Variants in DOCK2 observed in about 807,000 individuals in gnomAD.
DOCK2 encodes the protein dedicator of cytokinesis protein 2.
A neutral mutation model predicts 248.9 loss-of-function variants in DOCK2; 87 were observed. The observed-to-expected ratio is 0.35, with a 90% CI of 0.29 to 0.42. DOCK2 has a LOEUF of 0.42. DOCK2 is among the 10% of genes least tolerant of loss of function. DOCK2 has a pLI of 1.00. For missense variants in DOCK2, 1,747 were observed against 2,300.2 expected (o/e 0.76, Z 4.92); for synonymous variants, 805 against 821.6 (o/e 0.98, Z 0.35).
Position 170,079,160 on chromosome 5 carries a change from G to C in DOCK2, c.5166+14G>C. The stretch of plus-strand genomic sequence containing the variant: ...GACCTGAAGCGGGTGAGTGGCTGAG[G>C]CAGATTGCCTCTCCAGCGCTGTTAG... On this transcript the variant is annotated intron_variant, in intron 49 of 51. Transcript: ENST00000520908. The C allele has an allele frequency of 6.2e-7, 1 of 1,611,808 alleles. No individual in the cohort carries two copies. The highest frequency in any genetic ancestry group is 1.3e-5 in the African/African-American group (1 of 75,010).
At chr5:169,832,797 A>G (rs1769312729) in intron 26 of DOCK2, among the ~76,000 whole-genome samples, 1 of 152,234 alleles carries the variant, frequency 6.6e-6, no homozygotes, top group Non-Finnish European at 1.5e-5. Flanking sequence ...ACAAAACAGT[A>G]GCAGCCATAG....
intron 27 of DOCK2, among the ~76,000 whole-genome samples, chr5:169,982,756 T>G (rs1441230754): frequency 6.6e-6 from 1 of 152,240 alleles, no homozygotes; most frequent in African/African-American, 2.4e-5. Flanking sequence ...ATTGTCCCAT[T>G]TGACAGATGA....
intron 26 of DOCK2, among the ~76,000 whole-genome samples, chr5:169,833,741 T>G (rs1769381784): frequency 6.6e-6 from 1 of 152,220 alleles, no homozygotes; most frequent in South Asian, 2.1e-4. Context: ...TCCTGGAGGC[T>G]AAAACCTCCA....
intron 13 of DOCK2, 185 bp from the exon 14 acceptor site, chr5:169,702,118 C>G: frequency 1.9e-6 from 1 of 521,766 alleles, no homozygotes; most frequent in South Asian, 3.4e-5. Context: ...ATCCCTTCAT[C>G]CCCGTGTTAC....
chr5:169,974,818 A>G (rs1330560790), intron 27 of DOCK2, among the ~76,000 whole-genome samples: 1 of 151,876 alleles, frequency 6.6e-6, no homozygotes, highest in Non-Finnish European at 1.5e-5. Context: ...TCTTTTTGCA[A>G]TCATATTTGT....
At chr5:169,903,311 T>TAAAAAA (rs142632030) in intron 27 of DOCK2, among the ~76,000 whole-genome samples, 1 of 111,084 alleles carries the variant, frequency 9.0e-6, no homozygotes, top group Non-Finnish European at 1.8e-5. Context: ...ACAACAACAA[T>TAAAAAA]AAAAAAAAAA....
chr5:170,038,887 A>G (rs1296374658), intron 36 of DOCK2, among the ~76,000 whole-genome samples: 1 of 152,182 alleles, frequency 6.6e-6, no homozygotes, highest in African/African-American at 2.4e-5. Context: ...CTAGGGGTCT[A>G]AGGCATCGAG....
chr5:169,828,778 C>T (rs898637442), intron 26 of DOCK2, among the ~76,000 whole-genome samples: 1 of 152,212 alleles, frequency 6.6e-6, no homozygotes, highest in African/African-American at 2.4e-5. Flanking sequence ...TCTCTCCTTT[C>T]TCTCTGCAAC....
intron 41 of DOCK2, among the ~76,000 whole-genome samples, chr5:170,051,010 T>C (rs1167039305): frequency 6.6e-6 from 1 of 152,212 alleles, no homozygotes; most frequent in African/African-American, 2.4e-5. Flanking sequence ...TCCATATTTA[T>C]TTACAAAAAT....
intron 26 of DOCK2, among the ~76,000 whole-genome samples, chr5:169,818,335 A>G (rs947984949): frequency 6.6e-6 from 1 of 152,226 alleles, no homozygotes; most frequent in African/African-American, 2.4e-5. Flanking sequence ...ATATCCTAGC[A>G]CAGTGCCCAG....
At position 169,963,288 on chromosome 5, in the gene DOCK2, A is replaced by T. The variant is rs564887501; in HGVS notation, c.2800-19780A>T. Among the ~76,000 whole-genome samples, 3 of 152,150 alleles carry T rather than the reference A, an allele frequency of 2.0e-5. No individual in the cohort carries two copies. The East Asian group carries it at 5.8e-4, about 29-fold the overall frequency. On this transcript the variant is annotated intron_variant, in intron 27 of 51. Transcript: ENST00000520908. ...GATGACAGATCCCTTATTTTCTCTA[A>T]ATCAAATTAAATCCAACCCACAGCA...
intron 27 of DOCK2, among the ~76,000 whole-genome samples, chr5:169,856,710 C>T (rs571350150): frequency 8.5e-5 from 13 of 152,318 alleles, no homozygotes; most frequent in East Asian, 5.8e-4. Context: ...TGAATTTCAT[C>T]GGGCTTGGTG....
chr5:169,971,015 ATGCCAAGC>A (rs1211247229), intron 27 of DOCK2, among the ~76,000 whole-genome samples: 1 of 152,120 alleles, frequency 6.6e-6, no homozygotes, highest in African/African-American at 2.4e-5. Context: ...ACCTGCGTTC[ATGCCAAGC>A]TGCTGTGTCA....
intron 25 of DOCK2, among the ~76,000 whole-genome samples, chr5:169,783,841 G>A (rs1174063604): frequency 2.0e-5 from 3 of 152,178 alleles, no homozygotes; most frequent in Non-Finnish European, 4.4e-5. Context: ...CAATAAGCAA[G>A]CTTGCAGATA....
At chr5:170,034,600 G>C (rs763565256) in intron 35 of DOCK2, 45 bp downstream of exon 35, 3 of 1,608,020 alleles carry the variant, frequency 1.9e-6, no homozygotes, top group South Asian at 2.2e-5. Context: ...ACCCTGTGGG[G>C]GGGCTTGGGC....
At chr5:169,711,447 G>A (rs574564054) in intron 15 of DOCK2, among the ~76,000 whole-genome samples, 34 of 152,310 alleles carry the variant, frequency 2.2e-4, no homozygotes, top group African/African-American at 7.7e-4. Context: ...GGTGAGATGA[G>A]CCCTAGGATT....
At chr5:169,668,817 TAG>T in intron 2 of DOCK2, among the ~76,000 whole-genome samples, 1 of 152,372 alleles carries the variant, frequency 6.6e-6, no homozygotes, top group African/African-American at 2.4e-5. Flanking sequence ...TTGCTGCTGT[TAG>T]AACTGTCAGT....
intron 22 of DOCK2, among the ~76,000 whole-genome samples, chr5:169,725,775 C>A (rs182105509): frequency 3.3e-5 from 5 of 151,818 alleles, no homozygotes; most frequent in African/African-American, 9.7e-5. Flanking sequence ...TCTCTCCTTG[C>A]GATAGTTTGC....
chr5:169,762,613 G>A (rs894942144), intron 25 of DOCK2, among the ~76,000 whole-genome samples: 2 of 152,188 alleles, frequency 1.3e-5, no homozygotes, highest in African/African-American at 2.4e-5. Flanking sequence ...AATGGATCAT[G>A]CCTTTTGCTC....
Sources: allele counts gnomAD v4.1 joint callset (sites outside exome capture counted in the v4.1 genomes callset), GRCh38; gene constraint gnomAD v4.1.1; transcripts MANE v1.5; gene names NCBI Gene and HGNC (gene_info 2026-07-23, HGNC 2026-07-21).